Variants in TXNDC11 observed in about 807,000 individuals in gnomAD.
TXNDC11 encodes thioredoxin domain containing 11.
TXNDC11 carries 68 observed loss-of-function variants against 78.0 expected under a neutral mutation model. The ratio of observed to expected loss-of-function variants is 0.87; its 90% CI spans 0.72 to 1.07. The LOEUF (loss-of-function observed/expected upper bound fraction) is 1.07. Among genes scored for constraint, TXNDC11 ranks in the 50% least tolerant of loss-of-function variants. The pLI is 0.00. For synonymous variants in TXNDC11, 571 were observed against 495.2 expected (o/e 1.15, Z -2.03); for missense variants, 1,389 against 1,221.8 (o/e 1.14, Z -2.04).
chr16:11,697,376 T>C (rs1452498976), intron 7 of TXNDC11, among the ~76,000 whole-genome samples: 1 of 152,126 alleles, frequency 6.6e-6, no homozygotes, highest in Non-Finnish European at 1.5e-5. Flanking sequence ...AAGGGATCCT[T>C]GAGGGAGTGA....
At chr16:11,742,442 G>T (rs909058556) in intron 1 of TXNDC11, 35 bp downstream of exon 1, 7 of 1,364,850 alleles carry the variant, frequency 5.1e-6, no homozygotes, top group Non-Finnish European at 6.6e-6. Flanking sequence ...CAAGGGGAGC[G>T]CCCTAGCGGG....
At chr16:11,681,344 C>G (rs542278152) in intron 11 of TXNDC11, among the ~76,000 whole-genome samples, 19 of 152,340 alleles carry the variant, frequency 1.2e-4, no homozygotes, top group African/African-American at 3.6e-4. Flanking sequence ...TGCCAAGATC[C>G]CTCAGGATGT....
chr16:11,684,802 G>A (rs774120734), intron 10 of TXNDC11, among the ~76,000 whole-genome samples: 3 of 152,180 alleles, frequency 2.0e-5, no homozygotes, highest in African/African-American at 4.8e-5. Flanking sequence ...GGCCTGCCCC[G>A]GGCAGCTGGC....
In TXNDC11 at chr16:11,687,980, A is replaced by C. The variant is rs748580107; in HGVS notation, c.2044-14T>G. 1 of 1,579,730 alleles carries C rather than the reference A, an allele frequency of 6.3e-7. No homozygotes were observed. The highest frequency in any genetic ancestry group is 8.7e-7 in the Non-Finnish European group (1 of 1,149,746). On this transcript the variant is annotated splice_polypyrimidine_tract_variant and intron_variant, in intron 9 of 11. Transcript: ENST00000283033. ...CAGGAGAACGTCCTGTGGGAAAGGG[A>C]AGACAGATGTTACTTGCACCGGGAA...
intron 5 of TXNDC11, among the ~76,000 whole-genome samples, chr16:11,706,560 T>C (rs1357526878): frequency 6.6e-6 from 1 of 152,240 alleles, no homozygotes; most frequent in East Asian, 1.9e-4. Context: ...CTTGCCTACT[T>C]TTGGCAGGCA....
rs1244236518 is a variant in TXNDC11, at chr16:11,679,564, G to A, written c.2508C>T (p.His836=). 1.9e-6 allele frequency: 3 copies of A among 1,613,910 alleles called. No individual in the cohort carries two copies. Among genetic ancestry groups the A allele is most frequent in the South Asian group, 1.1e-5 (1 of 91,090 alleles). ...SQLSSARRDE[H]RLRQQQRALE... ...GGGCCCGCTGCTGCTGCCGCAGCCG[G>A]TGCTCATCTCTGCGGGCACTGGAGA... Residue 836 remains histidine (H), a synonymous_variant, in exon 12 of 12, where the codon CAC becomes CAT. Transcript: ENST00000283033. This position sits in a 1 kb window ranked among gnomAD's most constrained non-coding sequence, Gnocchi z 4.6.
In TXNDC11 at chr16:11,742,574, G is replaced by A. The variant is rs1308176876; in HGVS notation, c.157C>T (p.Arg53Cys). ...TGGCGCGCCATGAGGAAGGCGCCAC[G>A]CAGCCCGCGACGGAGCCGGCCCGCC... ...SSAGRLRRGLRGAFLMARQRP... is the reference protein window; with the variant it reads ...SSAGRLRRGLCGAFLMARQRP... Residue 53 changes from arginine (R) to cysteine (C), a missense_variant, in exon 1 of 12, where the codon CGT becomes TGT. By Grantham distance (180) the Arg-to-Cys change is radical. Coordinates refer to ENST00000283033, the MANE Select transcript of TXNDC11 (RefSeq NM_015914.7). The A allele has an allele frequency of 1.4e-6, 2 of 1,457,660 alleles. No individual in the cohort carries two copies. Among genetic ancestry groups the A allele is most frequent in the South Asian group, 1.3e-5 (1 of 75,368 alleles). 90.3% of individuals were successfully genotyped at this position (1,457,660 alleles called of 1,614,324 possible). A position where few individuals can be genotyped will look rare whatever the true frequency, so the allele number is the denominator to read the frequency against.
intron 7 of TXNDC11, among the ~76,000 whole-genome samples, chr16:11,695,130 G>T (rs2142002439): frequency 6.6e-6 from 1 of 152,276 alleles, no homozygotes; most frequent in Admixed American, 6.5e-5. Flanking sequence ...AATACACACT[G>T]TGATGTCTTA....
intron 6 of TXNDC11, 58 bp downstream of exon 6, chr16:11,700,394 G>C (rs1172988500): frequency 2.6e-6 from 2 of 778,710 alleles, no homozygotes; most frequent in South Asian, 1.8e-5. Context: ...AGGAGTCTGT[G>C]ACCTAAACAA....
chr16:11,700,557 T>C lies in TXNDC11; in HGVS notation c.801A>G (p.Leu267=). 1 of 1,574,126 alleles carries C rather than the reference T, an allele frequency of 6.4e-7. No homozygotes were observed. Among genetic ancestry groups the C allele is most frequent in the Non-Finnish European group, 8.7e-7 (1 of 1,145,672 alleles). ...SALHSLKKDY[L]GTVRFGVITN... ...TGATAACCCCAAATCGTACTGTTCC[T>C]AGGTAATCTGAAACAGAAAATTTTC... Residue 267 remains leucine, a synonymous_variant, in exon 6 of 12, where the codon CTA becomes CTG. Coordinates refer to ENST00000283033, the MANE Select transcript of TXNDC11 (RefSeq NM_015914.7).
chr16:11,679,191 A>C lies in TXNDC11; in HGVS notation c.*4T>G, dbSNP rs141628246. The C allele has an allele frequency of 3.5e-4, 557 of 1,611,904 alleles. 12 individuals are homozygous for C. In the East Asian group the frequency reaches 0.012, roughly 35 times the overall value. ...CCTCTGATTTCTTCATATCATTTAA[A>C]AAGTTAGTCTGTCCTGTTCTCCTTA... On this transcript the variant is annotated 3_prime_UTR_variant, in exon 12 of 12. Coordinates refer to ENST00000283033, the MANE Select transcript of TXNDC11 (RefSeq NM_015914.7). This position sits in a 1 kb window ranked among gnomAD's most constrained non-coding sequence, Gnocchi z 4.6.
intron 8 of TXNDC11, among the ~76,000 whole-genome samples, chr16:11,689,405 G>C (rs2050651511): frequency 6.6e-6 from 1 of 152,182 alleles, no homozygotes; most frequent in East Asian, 1.9e-4. Context: ...AGTTGGCTAT[G>C]TTTTTGAAAC....
At chr16:11,694,295 C>T (rs969593293) in intron 7 of TXNDC11, among the ~76,000 whole-genome samples, 6 of 151,366 alleles carry the variant, frequency 4.0e-5, no homozygotes, top group Non-Finnish European at 5.9e-5. Flanking sequence ...ATTTTTATTT[C>T]GCCTGGTTAA....
At chr16:11,739,183 C>G (rs1264349715) in intron 1 of TXNDC11, among the ~76,000 whole-genome samples, 1 of 152,152 alleles carries the variant, frequency 6.6e-6, no homozygotes, top group Non-Finnish European at 1.5e-5. Flanking sequence ...CAAGGCCAAT[C>G]AAAAATCAAA....
intron 4 of TXNDC11, among the ~76,000 whole-genome samples, chr16:11,724,891 G>A (rs1366093573): frequency 3.9e-5 from 6 of 151,998 alleles, no homozygotes; most frequent in Admixed American, 1.3e-4. Flanking sequence ...GATTACAGGC[G>A]CCCGCCACCA....
At position 11,742,612 on chromosome 16, in the gene TXNDC11, G is replaced by A. The variant is rs770069461; in HGVS notation, c.119C>T (p.Ala40Val). The change falls in exon 1 of 12, where the codon GCC (alanine) becomes GTC (valine). Residue 40 changes from alanine to valine, a missense_variant. Physicochemically the swap from Ala to Val is moderately conservative, Grantham distance 64 (BLOSUM62 0). Transcript: ENST00000283033. ...GAGCCGGCCCGCCGAGGACGCTGTG[G>A]CCAGGGTCGGGCTCGAGCTGAGGCA... ...SDCLSSSPTLATASSAGRLRR... is the reference protein window; with the variant it reads ...SDCLSSSPTLVTASSAGRLRR... The A allele has an allele frequency of 4.0e-5, 59 of 1,463,588 alleles. No homozygotes were observed. The highest frequency in any genetic ancestry group is 5.2e-5 in the Non-Finnish European group (58 of 1,114,168). 90.7% of individuals were successfully genotyped at this position (1,463,588 alleles called of 1,614,324 possible).
intron 11 of TXNDC11, among the ~76,000 whole-genome samples, chr16:11,682,468 C>A (rs1245321542): frequency 6.6e-6 from 1 of 152,210 alleles, no homozygotes; most frequent in Non-Finnish European, 1.5e-5. Context: ...AGCCTAAGAA[C>A]GAAGGTCACT....
chr16:11,698,016 G>A (rs12921593), intron 7 of TXNDC11, 109 bp downstream of exon 7: 40 of 1,003,012 alleles, frequency 4.0e-5, no homozygotes, highest in South Asian at 3.0e-5. Context: ...GCTGCCCCTC[G>A]TGGCAGCCAT....
At chr16:11,693,636 G>A (rs866626581) in intron 7 of TXNDC11, among the ~76,000 whole-genome samples, 1 of 152,044 alleles carries the variant, frequency 6.6e-6, no homozygotes, top group Admixed American at 6.5e-5. Context: ...AATAGTTCTC[G>A]GCATAAAAAA....
Sources: allele counts gnomAD v4.1 joint callset (sites outside exome capture counted in the v4.1 genomes callset), GRCh38; gene constraint gnomAD v4.1.1; non-coding constraint Gnocchi (gnomAD v3.1); transcripts MANE v1.5; gene names NCBI Gene and HGNC (gene_info 2026-07-23, HGNC 2026-07-21).